TMEM223: variants seen among roughly 807,000 people sequenced by gnomAD.
The protein encoded by TMEM223 is transmembrane protein 223.
Under a neutral mutation model 14.1 loss-of-function variants are expected in TMEM223, and 14 were observed. The observed-to-expected ratio is 0.99, with a 90% CI of 0.66 to 1.55. TMEM223 has a LOEUF of 1.55. Among genes scored for constraint, TMEM223 ranks in the 40% most tolerant of loss-of-function variants. TMEM223 has a pLI of 0.00. For synonymous variants in TMEM223, 145 were observed against 120.5 expected (o/e 1.20, Z -1.33); for missense variants, 346 against 269.9 (o/e 1.28, Z -1.97).
downstream of TMEM223, chr11:62,771,251 G>GA (rs1565184952): frequency 6.6e-6 from 1 of 152,286 alleles, no homozygotes; most frequent in South Asian, 2.1e-4. Flanking sequence ...TAAGAAGCGG[G>GA]AATCTTCAGC....
chr11:62,776,462 A>G, intron 1 of TMEM223: 1 of 1,613,636 alleles, frequency 6.2e-7, no homozygotes, highest in Non-Finnish European at 8.5e-7. Context: ...CAGATGGAGC[A>G]GCGTGGAGGT....
chr11:62,771,528 C>T (rs1370530740), downstream of TMEM223: 1 of 159,042 alleles, frequency 6.3e-6, no homozygotes, highest in East Asian at 1.9e-4. Context: ...ACTCCCCATT[C>T]CCGACGCCGA....
chr11:62,791,744 C>T lies in TMEM223; in HGVS notation c.251G>A (p.Arg84His), dbSNP rs906006894. 4 of 1,561,882 alleles carry T rather than the reference C, an allele frequency of 2.6e-6. No homozygotes were observed. Among genetic ancestry groups the T allele is most frequent in the East Asian group, 2.4e-5 (1 of 41,722 alleles). ...VQPLDAEVPN[R>H]GPFDLRSALW... ...CGCGGAGCGCAGGTCGAAGGGGCCA[C>T]GATTTGGGACCTCCGCATCCAGAGG... The change falls in exon 1 of 2, where the codon CGT becomes CAT. Residue 84 changes from arginine to histidine, a missense_variant. Arg to His is a conservative substitution (Grantham distance 29). Coordinates refer to ENST00000307366, the MANE Select transcript of TMEM223 (RefSeq NM_001080501.3).
Position 62,790,632 on chromosome 11 carries a change from C to T in TMEM223, c.600G>A (p.Arg200=). ...KLFDNTVGAY[R]SL ...ACTTGAGGTCATTTCTTCACAAGCT[C>T]CGGTAGGCACCCACAGTATTGTCAA... is the stretch of plus-strand genomic sequence containing the variant. Residue 200 remains arginine (R), a synonymous_variant, in exon 2 of 2, where the codon CGG becomes CGA. Transcript: ENST00000307366. The T allele has an allele frequency of 6.2e-7, 1 of 1,607,630 alleles. No homozygotes were observed. The highest frequency in any genetic ancestry group is 8.5e-7 in the Non-Finnish European group (1 of 1,175,656).
chr11:62,791,821 G>A lies in TMEM223; in HGVS notation c.174C>T (p.Phe58=). 1.9e-6 allele frequency: 3 copies of A among 1,586,148 alleles called. No homozygotes were observed. The highest frequency in any genetic ancestry group is 2.6e-6 in the Non-Finnish European group (3 of 1,167,074). ...LGLFCAGQGV[F]WASMAVAAVS... ...CGGCTGCCACAGCCATGGAAGCCCAGAAGACGCCCTGGCCCGCGCAGAACA... is the reference window on the plus strand; with the variant it reads ...CGGCTGCCACAGCCATGGAAGCCCAAAAGACGCCCTGGCCCGCGCAGAACA... The change falls in exon 1 of 2, where the codon TTC becomes TTT. Residue 58 remains phenylalanine, a synonymous_variant. Coordinates refer to ENST00000307366, the MANE Select transcript of TMEM223 (RefSeq NM_001080501.3).
intron 2 of TMEM223, among the ~76,000 whole-genome samples, chr11:62,773,635 TG>T (rs1156500798): frequency 2.6e-5 from 4 of 151,450 alleles, no homozygotes; most frequent in Non-Finnish European, 5.9e-5. Flanking sequence ...GTAGTAGAGA[TG>T]GGGGTTTTTC....
At chr11:62,784,997 C>T (rs1021853649), downstream of TMEM223, among the ~76,000 whole-genome samples, 2 of 151,888 alleles carry the variant, frequency 1.3e-5, no homozygotes, top group Non-Finnish European at 2.9e-5. Context: ...AGATTTAGAT[C>T]ATCTTTTTCT....
rs2084348786 is a variant in TMEM223 at position 62,790,537 on chromosome 11, C to A, written c.*86G>T. 2 of 1,280,166 alleles carry A rather than the reference C, an allele frequency of 1.6e-6. No individual in the cohort carries two copies. Among genetic ancestry groups the A allele is most frequent in the African/African-American group, 1.5e-5 (1 of 66,314 alleles). The allele number at this position is 1,280,166 out of a possible 1,614,324, so 79.3% of individuals were successfully genotyped here. A position where few individuals can be genotyped will look rare whatever the true frequency, so the allele number is the denominator to read the frequency against. On this transcript the variant is annotated 3_prime_UTR_variant, in exon 2 of 2. Transcript: ENST00000307366. ...TCACCCTCCCAAAGTGCTGGGATTA[C>A]AACAGGTGTGAACCAACACACCTGG...
At chr11:62,789,203 T>C (rs755666030), downstream of TMEM223, 1 of 1,614,120 alleles carries the variant, frequency 6.2e-7, no homozygotes, top group Non-Finnish European at 8.5e-7. Context: ...CATCGAGGAC[T>C]CCCACAGGTG....
In TMEM223 at chr11:62,778,240, A is replaced by C. The variant is rs368311473; in HGVS notation, c.315-3575T>G. 5 of 1,613,936 alleles carry C rather than the reference A, an allele frequency of 3.1e-6. No homozygotes were observed. In the African/African-American group the frequency reaches 6.7e-5, roughly 22 times the overall value. ...ACTTGGAGGGGTAGGCGGTACTCTA[A>C]GGGGCAAAACGCCAGGCTGACACAT... On this transcript the variant is annotated intron_variant, in intron 1 of 2. Coordinates refer to the TMEM223 transcript ENST00000528367.
At chr11:62,787,402 G>T (rs373442214), downstream of TMEM223, 1 of 1,556,842 alleles carries the variant, frequency 6.4e-7, no homozygotes, top group Non-Finnish European at 8.6e-7. Context: ...GGGTGCTGCT[G>T]CAGCGGCGCT....
At chr11:62,788,125 G>A (rs2084310455), downstream of TMEM223, among the ~76,000 whole-genome samples, 1 of 152,234 alleles carries the variant, frequency 6.6e-6, no homozygotes, top group Admixed American at 6.5e-5. Context: ...GAGATCCGCC[G>A]GGCGCGGTGA....
At chr11:62,774,485 A>G in intron 2 of TMEM223, 4 of 435,250 alleles carry the variant, frequency 9.2e-6, no homozygotes, top group South Asian at 6.5e-5. Flanking sequence ...CTGGTGACCC[A>G]TTGATCCCCT....
At chr11:62,785,294 C>T (rs568250536), downstream of TMEM223, among the ~76,000 whole-genome samples, 29 of 150,892 alleles carry the variant, frequency 1.9e-4, no homozygotes, top group Admixed American at 1.7e-3. Flanking sequence ...TGGGTTCAAG[C>T]GATTCTCCTG....
rs749382287 is a variant in TMEM223 at position 62,778,951 on chromosome 11, G to A, written c.315-4286C>T. The A allele has an allele frequency of 9.9e-6, 16 of 1,613,572 alleles. No homozygotes were observed. In the East Asian group the frequency reaches 1.8e-4, roughly 18 times the overall value. On this transcript the variant is annotated intron_variant, in intron 1 of 2. Transcript: ENST00000528367. ...CTCGTGCTGTGCTAGGGGATGATCC[G>A]CAACTGATGAAGGTGAGCGAGTGGG...
chr11:62,771,799 T>C, exon 3 of TMEM223: 1 of 249,862 alleles, frequency 4.0e-6, no homozygotes, highest in Non-Finnish European at 8.1e-6. Flanking sequence ...GGTCACAGTC[T>C]AGATTTCGTG....
intron 1 of TMEM223, chr11:62,779,114 A>C: frequency 1.6e-6 from 1 of 629,330 alleles, no homozygotes; most frequent in East Asian, 2.9e-5. Context: ...TCTGCCTCCC[A>C]GGTTCAAGTG....
In TMEM223 at chr11:62,779,952, CTATATATA is replaced by C. The variant is rs1225374367; in HGVS notation, c.315-5295_315-5288del. On this transcript the variant is annotated intron_variant, in intron 1 of 2. Coordinates refer to the TMEM223 transcript ENST00000528367. Reference sequence around the variant, plus strand: ...AAGTGGTGGGATTACAGGCGTGAGCCTATATATATATATATATATATATATTTTTTTTT... The same window carrying C: ...AAGTGGTGGGATTACAGGCGTGAGCCTATATATATATATATATTTTTTTTT... Among the ~76,000 whole-genome samples the C allele has an allele frequency of 1.1e-4, 11 of 100,054 alleles. 1 individual carries two copies. Among genetic ancestry groups the C allele is most frequent in the African/African-American group, 4.9e-4 (11 of 22,436 alleles). The allele number at this position is 100,054 out of a possible 152,430, so 65.6% of individuals were successfully genotyped here.
rs1341653026 is a variant in TMEM223 at position 62,782,213 on chromosome 11, G to A, written c.315-7548C>T. 2.0e-5 allele frequency: 33 copies of A among 1,614,174 alleles called. No individual in the cohort carries two copies. Among genetic ancestry groups the A allele is most frequent in the Non-Finnish European group, 2.6e-5 (31 of 1,180,028 alleles). The stretch of plus-strand genomic sequence containing the variant: ...CACCTGTGCTTGGGGCCCTATGTCC[G>A]CTGTCTGGTGGGCAGTGTCCTCTAC... On this transcript the variant is annotated intron_variant, in intron 1 of 2. Coordinates refer to the TMEM223 transcript ENST00000528367.
Sources: allele counts gnomAD v4.1 joint callset (sites outside exome capture counted in the v4.1 genomes callset), GRCh38; gene constraint gnomAD v4.1.1; transcripts MANE v1.5; gene names NCBI Gene and HGNC (gene_info 2026-07-23, HGNC 2026-07-21).